Variants in RNLS observed in about 807,000 individuals in gnomAD.
RNLS encodes renalase, FAD dependent amine oxidase, also known as renalase.
A neutral mutation model predicts 39.8 loss-of-function variants in RNLS; 39 were observed. The observed-to-expected ratio is 0.98, with a 90% CI of 0.76 to 1.28. The LOEUF is 1.28. Ranked by LOEUF, RNLS falls within the 50% of genes most tolerant of loss-of-function variation. The pLI is 0.00. For missense variants in RNLS, 410 were observed against 413.3 expected, an observed-to-expected ratio of 0.99 and a Z score of 0.07; for synonymous variants, 147 against 150.7, an observed-to-expected ratio of 0.98 and a Z score of 0.18.
chr10:88,253,123 AT>A, the RNLS span, among the ~76,000 whole-genome samples: 1 of 152,168 alleles, frequency 6.6e-6, no homozygotes, highest in African/African-American at 2.4e-5. Flanking sequence ...AACTTGAGCA[AT>A]TTCAAAAACA....
At chr10:88,447,014 A>T (rs1842074990) in intron 4 of RNLS, among the ~76,000 whole-genome samples, 1 of 152,262 alleles carries the variant, frequency 6.6e-6, no homozygotes, top group Non-Finnish European at 1.5e-5. Flanking sequence ...GATGTATCTC[A>T]AAACAATAAG....
chr10:88,357,858 G>T (rs1849308991), intron 5 of RNLS, among the ~76,000 whole-genome samples: 1 of 152,146 alleles, frequency 6.6e-6, no homozygotes, highest in Non-Finnish European at 1.5e-5. Context: ...GATGAAGTTG[G>T]CAGAGTCAAA....
chr10:88,388,589 C>T (rs1195236977), intron 4 of RNLS, among the ~76,000 whole-genome samples: 1 of 152,156 alleles, frequency 6.6e-6, no homozygotes, highest in African/African-American at 2.4e-5. Context: ...TCCATGTTAT[C>T]ACATGGCTAG....
chr10:88,172,849 T>TTTTTTTTG, the RNLS span, among the ~76,000 whole-genome samples: 2 of 43,480 alleles, frequency 4.6e-5, no homozygotes. Flanking sequence ...GTTGTTTTTT[T>TTTTTTTTG]TTTTTTTTTT....
At chr10:88,451,999 T>C (rs1325169866) in intron 4 of RNLS, among the ~76,000 whole-genome samples, 1 of 152,216 alleles carries the variant, frequency 6.6e-6, no homozygotes, top group East Asian at 1.9e-4. Flanking sequence ...GGAGTCTCTG[T>C]CTTTTCATAT....
chr10:88,324,073 C>CA (rs1180182748), intron 5 of RNLS, among the ~76,000 whole-genome samples: 3 of 151,948 alleles, frequency 2.0e-5, no homozygotes, highest in Non-Finnish European at 1.5e-5. Flanking sequence ...ATTAAAAAGT[C>CA]AAAAAACAAT....
At chr10:88,243,027 G>C in the RNLS span, among the ~76,000 whole-genome samples, 2 of 152,310 alleles carry the variant, frequency 1.3e-5, no homozygotes, top group South Asian at 4.1e-4. Context: ...TCCACAGTTA[G>C]ACTTCAAGCG....
At position 88,456,229 on chromosome 10, in the gene RNLS, CT is replaced by C. The variant is rs1367793540; in HGVS notation, c.527-93505del. The stretch of plus-strand genomic sequence containing the variant: ...AAGAAGGTTGAATAAACACCCAAAG[CT>C]TTAGCAAAACTAAAATTCTTATGGG... On this transcript the variant is annotated intron_variant, in intron 4 of 6. Transcript: ENST00000331772. Among the ~76,000 whole-genome samples, 5 of 152,162 alleles carry C rather than the reference CT, an allele frequency of 3.3e-5. No homozygotes were observed. In the South Asian group the frequency reaches 8.3e-4, roughly 25 times the overall value.
At chr10:88,282,478 T>TACACAC (rs60829171), downstream of RNLS, among the ~76,000 whole-genome samples, 78 of 143,030 alleles carry the variant, frequency 5.5e-4, no homozygotes, top group African/African-American at 9.9e-4. Flanking sequence ...AAAGTGAAAA[T>TACACAC]ACACACACAC....
intron 3 of RNLS, 109 bp downstream of exon 3, chr10:88,581,458 G>C (rs1011599979): frequency 9.9e-6 from 9 of 906,992 alleles, no homozygotes; most frequent in Non-Finnish European, 1.3e-5. Context: ...TCAGCAAATA[G>C]AGCACCTAAT....
chr10:88,231,028 C>A, the RNLS span, among the ~76,000 whole-genome samples: 1 of 152,308 alleles, frequency 6.6e-6, no homozygotes, highest in East Asian at 1.9e-4. Context: ...TCCTTCATTA[C>A]CTCCTCTAAC....
chr10:88,429,329 ACT>A (rs1690155959), intron 4 of RNLS, among the ~76,000 whole-genome samples: 1 of 151,988 alleles, frequency 6.6e-6, no homozygotes, highest in Non-Finnish European at 1.5e-5. Context: ...TATAACTTGA[ACT>A]CTGCTATACA....
the RNLS span, among the ~76,000 whole-genome samples, chr10:88,193,445 T>A: frequency 6.6e-6 from 1 of 152,082 alleles, no homozygotes; most frequent in Admixed American, 6.6e-5. Flanking sequence ...CACATACCAA[T>A]GAAACCTTCC....
At chr10:88,296,668 A>G (rs1844119818) in intron 6 of RNLS, among the ~76,000 whole-genome samples, 1 of 152,204 alleles carries the variant, frequency 6.6e-6, no homozygotes, top group African/African-American at 2.4e-5. Flanking sequence ...TGGTTTTAAA[A>G]GTCAGCTTAA....
rs1017273505 is a variant in RNLS at position 88,335,640 on chromosome 10, A to G, written c.701-20999T>C. On this transcript the variant is annotated intron_variant, in intron 5 of 6. Coordinates refer to ENST00000331772, the MANE Select transcript of RNLS (RefSeq NM_001031709.3). ...TTAGCTATATTAGTTCATTAGACAAAGACACATTTATTAAAAATAAGAAGC... is the reference window on the plus strand; with the variant it reads ...TTAGCTATATTAGTTCATTAGACAAGGACACATTTATTAAAAATAAGAAGC... 1.8e-4 allele frequency among the ~76,000 whole-genome samples: 28 copies of G among 152,220 alleles called. 1 individual carries two copies. The highest frequency in any genetic ancestry group is 5.2e-4 in the Admixed American group (8 of 15,290).
the RNLS span, chr10:88,259,070 A>G: frequency 6.6e-6 from 1 of 152,246 alleles, no homozygotes; most frequent in South Asian, 2.1e-4. Flanking sequence ...GCTATCACAC[A>G]CTGGTTACTT....
chr10:88,566,282 C>T (rs920327102), intron 4 of RNLS, among the ~76,000 whole-genome samples: 1 of 151,730 alleles, frequency 6.6e-6, no homozygotes, highest in Non-Finnish European at 1.5e-5. Flanking sequence ...GTGGTCACTA[C>T]CATTCTATTT....
intron 4 of RNLS, among the ~76,000 whole-genome samples, chr10:88,540,971 A>G (rs1284085759): frequency 2.0e-5 from 3 of 149,014 alleles, no homozygotes. Context: ...TATGGTCATC[A>G]TAAGTCCCTC....
chr10:88,552,085 C>G (rs1422617980), intron 4 of RNLS, among the ~76,000 whole-genome samples: 1 of 152,298 alleles, frequency 6.6e-6, no homozygotes, highest in Admixed American at 6.5e-5. Context: ...TGCTTTAACA[C>G]ATTATCTTAT....
Sources: gnomAD v4.1 joint callset for allele counts (sites outside exome capture counted in the v4.1 genomes callset) on GRCh38, gnomAD v4.1.1 for gene constraint, MANE v1.5 for transcripts, NCBI Gene and HGNC (gene_info 2026-07-23, HGNC 2026-07-21) for gene names.